The following EIF2B5 variants were observed in gnomAD, a reference collection of about 807,000 sequenced individuals.
The protein encoded by EIF2B5 is translation initiation factor eIF2B subunit epsilon.
Under a neutral mutation model 87.3 loss-of-function variants are expected in EIF2B5, and 38 were observed. The observed-to-expected ratio is 0.44, with a 90% CI of 0.34 to 0.57. EIF2B5 has a LOEUF of 0.57. Among genes scored for constraint, EIF2B5 ranks in the 20% least tolerant of loss-of-function variants. The pLI is 0.02. For missense variants in EIF2B5, 784 were observed against 909.5 expected, an observed-to-expected ratio of 0.86 and a Z score of 1.78; for synonymous variants, 313 against 339.6, an observed-to-expected ratio of 0.92 and a Z score of 0.86.
Position 184,135,535 on chromosome 3 carries a change from T to C in EIF2B5, c.150T>C (p.Asp50=), listed in dbSNP as rs1713308588. 2 of 1,591,324 alleles carry C rather than the reference T, an allele frequency of 1.3e-6. No individual in the cohort carries two copies. Among genetic ancestry groups the C allele is most frequent in the Non-Finnish European group, 1.7e-6 (2 of 1,170,062 alleles). The part of the protein sequence containing the change: ...PPPLQAVLVA[D]SFDRRFFPIS... ...CCCTACAAGCAGTTCTGGTGGCCGA[T>C]AGCTTCGATCGCCGCTTCTTCCCCA... Residue 50 remains aspartate (D), a synonymous_variant, in exon 1 of 16, where the codon GAT becomes GAC. Transcript: ENST00000648915.
intron 4 of EIF2B5, 40 bp from the exon 5 acceptor site, chr3:184,138,125 TG>T (rs772934943): frequency 6.2e-7 from 1 of 1,614,084 alleles, no homozygotes; most frequent in East Asian, 2.2e-5. Context: ...CAGGCTTCAG[TG>T]GGAGAAACAA....
Position 184,141,998 on chromosome 3 carries a change from G to A in EIF2B5, c.1230G>A (p.Gln410=), listed in dbSNP as rs1577033816. The A allele has an allele frequency of 6.2e-7, 1 of 1,614,170 alleles. No individual in the cohort carries two copies. Among genetic ancestry groups the A allele is most frequent in the Non-Finnish European group, 8.5e-7 (1 of 1,180,036 alleles). ...TGGCGGCTGGAGCACAGATCCATCA[G>A]TCTCTGCTTTGTGACAATGCTGAGG... ...VRVAAGAQIH[Q]SLLCDNAEVK... Residue 410 remains glutamine, a synonymous_variant, in exon 8 of 16, where the codon CAG becomes CAA. Coordinates refer to ENST00000648915, the MANE Select transcript of EIF2B5 (RefSeq NM_003907.3).
intron 5 of EIF2B5, chr3:184,138,809 A>G: frequency 3.9e-6 from 1 of 258,256 alleles, no homozygotes; most frequent in Non-Finnish European, 7.8e-6. Context: ...ATGGAACCAC[A>G]GGCATGCACT....
In EIF2B5 at chr3:184,142,137, C is replaced by A. The variant is rs1258502870; in HGVS notation, c.1302+67C>A. 6.2e-7 allele frequency: 1 copy of A among 1,613,664 alleles called. No homozygotes were observed. Among genetic ancestry groups the A allele is most frequent in the African/African-American group, 1.3e-5 (1 of 74,902 alleles). On this transcript the variant is annotated intron_variant, in intron 8 of 15. Coordinates refer to ENST00000648915, the MANE Select transcript of EIF2B5 (RefSeq NM_003907.3). This position sits in a 1 kb window ranked among gnomAD's most constrained non-coding sequence, Gnocchi z 5.0. ...GGCAGTCACACTGAGCCAGAAGGGGCATTATTTCCACCCATAATCCTGTCT... is the reference window on the plus strand; with the variant it reads ...GGCAGTCACACTGAGCCAGAAGGGGAATTATTTCCACCCATAATCCTGTCT...
At chr3:184,143,727 C>A in intron 13 of EIF2B5, 162 bp downstream of exon 13, 1 of 1,050,240 alleles carries the variant, frequency 9.5e-7, no homozygotes, top group Non-Finnish European at 1.4e-6. Flanking sequence ...TCAGAGGGGT[C>A]AGATTGAGTT....
chr3:184,142,461 G>C lies in EIF2B5; in HGVS notation c.1445-41G>C, dbSNP rs370429835. 6.2e-7 allele frequency: 1 copy of C among 1,613,970 alleles called. No individual in the cohort carries two copies. Among genetic ancestry groups the C allele is most frequent in the Non-Finnish European group, 8.5e-7 (1 of 1,180,012 alleles). Reference sequence around the variant, plus strand: ...AGTGTTTCCTCCTGGAGGGATTGGTGCTTCCGCCGGGCCCTCTCTATAGAT... The same window carrying C: ...AGTGTTTCCTCCTGGAGGGATTGGTCCTTCCGCCGGGCCCTCTCTATAGAT... On this transcript the variant is annotated intron_variant, in intron 9 of 15. Transcript: ENST00000648915. This position sits in a 1 kb window ranked among gnomAD's most constrained non-coding sequence, Gnocchi z 5.0.
chr3:184,141,930 A>T lies in EIF2B5; in HGVS notation c.1162A>T (p.Asn388Tyr). The T allele has an allele frequency of 1.2e-6, 2 of 1,613,988 alleles. No individual in the cohort carries two copies. The stretch of plus-strand genomic sequence containing the variant: ...GTCTTCCCATCCTGAGCCAGGTGAT[A>T]ACGTGGTGCTGGACCAGACCTACCT... ...VIGPGCHIGDNVVLDQTYLWQ... is the reference protein window; with the variant it reads ...VIGPGCHIGDYVVLDQTYLWQ... Residue 388 changes from asparagine to tyrosine, a missense_variant, in exon 8 of 16, where the codon AAC becomes TAC. By Grantham distance (143) the Asn-to-Tyr change is moderately radical. Coordinates refer to ENST00000648915, the MANE Select transcript of EIF2B5 (RefSeq NM_003907.3).
chr3:184,139,270 ATTTTTTTTTTTT>A (rs1196978595), intron 5 of EIF2B5, among the ~76,000 whole-genome samples: 5 of 48,016 alleles, frequency 1.0e-4, no homozygotes, highest in Admixed American at 3.7e-4. Flanking sequence ...TGCACCCAGC[ATTTTTTTTTTTT>A]TTTTTTTTTT....
intron 15 of EIF2B5, 46 bp from the exon 16 acceptor site, chr3:184,144,838 G>C: frequency 6.2e-7 from 1 of 1,607,880 alleles, no homozygotes; most frequent in Non-Finnish European, 8.5e-7. Context: ...GAGCAGGAGA[G>C]TTATGTGCAC....
intron 5 of EIF2B5, chr3:184,138,905 G>A (rs1053789204): frequency 1.4e-5 from 4 of 292,724 alleles, no homozygotes; most frequent in Non-Finnish European, 2.7e-5. Context: ...CAAGCAATCT[G>A]ACCACCTCAG....
At chr3:184,136,830 A>C in intron 2 of EIF2B5, 94 bp downstream of exon 2, 1 of 1,551,798 alleles carries the variant, frequency 6.4e-7, no homozygotes, top group East Asian at 2.2e-5. Context: ...GAGGGGAAAA[A>C]TGTGTCTACT....
chr3:184,137,538 C>A, intron 2 of EIF2B5, 82 bp from the exon 3 acceptor site: 2 of 1,437,198 alleles, frequency 1.4e-6, no homozygotes, highest in Non-Finnish European at 2.0e-6. Context: ...ACTGTGAGTG[C>A]TGAAAGGGGG....
Position 184,142,393 on chromosome 3 carries a change from A to T in EIF2B5, c.1444+15A>T, listed in dbSNP as rs553767751. On this transcript the variant is annotated intron_variant, in intron 9 of 15. Transcript: ENST00000648915. The surrounding 1 kb of genome is among the most constrained non-coding windows in gnomAD (Gnocchi z 5.0). The stretch of plus-strand genomic sequence containing the variant: ...GAAGATGAAAGGTGTGAGACTCAAC[A>T]GGTGTGGGGCATCTGTGTGTCTCGC... 1.2e-6 allele frequency: 2 copies of T among 1,614,188 alleles called. No homozygotes were observed. Among genetic ancestry groups the T allele is most frequent in the African/African-American group, 2.7e-5 (2 of 75,056 alleles).
At position 184,142,600 on chromosome 3, in the gene EIF2B5, T is replaced by G. The variant is rs771205608; in HGVS notation, c.1543T>G (p.Trp515Gly). 2 of 1,613,336 alleles carry G rather than the reference T, an allele frequency of 1.2e-6. No individual in the cohort carries two copies. The highest frequency in any genetic ancestry group is 2.2e-5 in the South Asian group (2 of 90,950). Residue 515 changes from tryptophan (W) to glycine (G), a missense_variant, in exon 10 of 16, where the codon TGG becomes GGG. Physicochemically the swap from Trp to Gly is radical, Grantham distance 184 (BLOSUM62 -2). Around this residue, in one of 3 missense-constraint regions of EIF2B5, gnomAD observed 660 missense variants for 789.5 expected, o/e 0.84. Transcript: ENST00000648915. This position sits in a 1 kb window ranked among gnomAD's most constrained non-coding sequence, Gnocchi z 5.0. ...EEEEELQQNL[W>G]GLKINMEEES... The stretch of plus-strand genomic sequence containing the variant: ...AGAGGAGGAACTGCAGCAGAATCTG[T>G]GGGGTGAGCTAGGCCTGATGCCTGC...
chr3:184,135,958 T>C, intron 1 of EIF2B5: 1 of 290,080 alleles, frequency 3.4e-6, no homozygotes, highest in South Asian at 4.2e-5. Context: ...GGCGGTAATA[T>C]GCCTTAAAAA....
rs189599597 is a variant in EIF2B5, at chr3:184,140,241, G to A, written c.843+84G>A. 1,853 of 1,481,010 alleles carry A rather than the reference G, an allele frequency of 1.3e-3. 5 individuals carry two copies. The highest frequency in any genetic ancestry group is 1.6e-3 in the Non-Finnish European group (1,753 of 1,064,542). 91.7% of individuals were successfully genotyped at this position (1,481,010 alleles called of 1,614,324 possible). A position where few individuals can be genotyped will look rare whatever the true frequency, so the allele number is the denominator to read the frequency against. ...ATGCTGGTAACTTTTGATCTTTTTTGTATTTTATTGAGGCTTAGGAGGGAG... is the reference window on the plus strand; with the variant it reads ...ATGCTGGTAACTTTTGATCTTTTTTATATTTTATTGAGGCTTAGGAGGGAG... On this transcript the variant is annotated intron_variant, in intron 6 of 15. Coordinates refer to ENST00000648915, the MANE Select transcript of EIF2B5 (RefSeq NM_003907.3).
At position 184,144,123 on chromosome 3, in the gene EIF2B5, T is replaced by C; in HGVS notation, c.1894T>C (p.Phe632Leu). ...LPLLKAWSPV[F>L]RNYIKRAADH... ...GCTGCTAAAGGCCTGGAGCCCTGTT[T>C]TTAGGAACTACATAAAGCGCGCAGC... Residue 632 changes from phenylalanine (F) to leucine (L), a missense_variant, in exon 14 of 16, where the codon TTT becomes CTT. Phe to Leu is a conservative substitution (Grantham distance 22). Coordinates refer to ENST00000648915, the MANE Select transcript of EIF2B5 (RefSeq NM_003907.3). 4 of 1,614,240 alleles carry C rather than the reference T, an allele frequency of 2.5e-6. No homozygotes were observed. The highest frequency in any genetic ancestry group is 3.4e-6 in the Non-Finnish European group (4 of 1,180,048).
chr3:184,144,731 G>T, intron 15 of EIF2B5, 24 bp downstream of exon 15: 5 of 1,605,396 alleles, frequency 3.1e-6, no homozygotes, highest in Non-Finnish European at 3.4e-6. Context: ...TCCTCCTCTC[G>T]CCAAGATGGT....
chr3:184,140,410 T>C lies in EIF2B5; in HGVS notation c.844-8T>C. 6.2e-7 allele frequency: 1 copy of C among 1,614,080 alleles called. No individual in the cohort carries two copies. Among genetic ancestry groups the C allele is most frequent in the African/African-American group, 1.3e-5 (1 of 75,012 alleles). On this transcript the variant is annotated splice_region_variant and splice_polypyrimidine_tract_variant and intron_variant, in intron 6 of 15. Transcript: ENST00000648915. ...TGCTTAGGTGACCTCCCTTTCCTTC[T>C]CATTCAGATCCTAGGGAACCAGATC...
Sources: allele counts gnomAD v4.1 joint callset (sites outside exome capture counted in the v4.1 genomes callset), GRCh38; gene constraint gnomAD v4.1.1; regional missense constraint gnomAD v4.1.1; non-coding constraint Gnocchi (gnomAD v3.1); transcripts MANE v1.5; gene names NCBI Gene and HGNC (gene_info 2026-07-23, HGNC 2026-07-21).